Variants in NRG3 observed in about 807,000 individuals in gnomAD.
The protein encoded by NRG3 is neuregulin 3.
In NRG3, 31 loss-of-function variants were observed where a neutral mutation model predicts 66.9. The ratio of observed to expected loss-of-function variants is 0.46; its 90% CI spans 0.35 to 0.63. The LOEUF (loss-of-function observed/expected upper bound fraction) is 0.63. NRG3 is among the 20% of genes least tolerant of loss of function. NRG3 has a pLI of 0.00. For missense variants in NRG3, 910 were observed against 878.9 expected, an observed-to-expected ratio of 1.04 and a Z score of -0.45; for synonymous variants, 393 against 359.4, an observed-to-expected ratio of 1.09 and a Z score of -1.06.
intron 2 of NRG3, among the ~76,000 whole-genome samples, chr10:82,570,801 A>G (rs1335427790): frequency 6.6e-6 from 1 of 151,658 alleles, no homozygotes; most frequent in Non-Finnish European, 1.5e-5. Flanking sequence ...GAGGACTCAT[A>G]TGTAAAATTT....
At chr10:82,086,687 AATT>A (rs2065747457) in intron 1 of NRG3, among the ~76,000 whole-genome samples, 1 of 152,112 alleles carries the variant, frequency 6.6e-6, no homozygotes, top group African/African-American at 2.4e-5. Context: ...TGGTTCTGTG[AATT>A]ATGCATTGGA....
intron 3 of NRG3, among the ~76,000 whole-genome samples, chr10:82,785,409 C>G (rs1000951472): frequency 6.6e-6 from 1 of 151,398 alleles, no homozygotes; most frequent in African/African-American, 2.4e-5. Context: ...AAGAAAAAGA[C>G]AAGAACTGTA....
intron 1 of NRG3, among the ~76,000 whole-genome samples, chr10:82,310,979 G>T (rs1178336945): frequency 6.6e-6 from 1 of 152,120 alleles, no homozygotes; most frequent in Non-Finnish European, 1.5e-5. Flanking sequence ...GAGAGTGACA[G>T]TTCTTTCCAG....
At chr10:82,743,545 A>T (rs1402898815) in intron 3 of NRG3, among the ~76,000 whole-genome samples, 2 of 152,142 alleles carry the variant, frequency 1.3e-5, no homozygotes, top group Admixed American at 6.5e-5. Flanking sequence ...ATCAGGTAGG[A>T]AAATAAATTT....
chr10:82,302,312 A>C (rs2080450039), intron 1 of NRG3, among the ~76,000 whole-genome samples: 1 of 152,122 alleles, frequency 6.6e-6, no homozygotes, highest in Non-Finnish European at 1.5e-5. Flanking sequence ...TTTATATTAA[A>C]GTTAATTACA....
intron 2 of NRG3, among the ~76,000 whole-genome samples, chr10:82,703,165 A>G (rs1342840730): frequency 6.6e-6 from 1 of 151,960 alleles, no homozygotes; most frequent in Non-Finnish European, 1.5e-5. Flanking sequence ...GAACCTAGAA[A>G]TTTTCTAGTT....
chr10:82,443,704 C>T (rs1382370150), intron 2 of NRG3, among the ~76,000 whole-genome samples: 1 of 152,112 alleles, frequency 6.6e-6, no homozygotes, highest in Admixed American at 6.5e-5. Flanking sequence ...ATGCAAAATG[C>T]CAAGGGAGCA....
intron 4 of NRG3, among the ~76,000 whole-genome samples, chr10:82,931,484 GT>G (rs1168621612): frequency 6.6e-6 from 1 of 152,138 alleles, no homozygotes; most frequent in African/African-American, 2.4e-5. Context: ...GCACAAAGAA[GT>G]TAATTATATG....
At chr10:81,888,352 G>A (rs1471086165) in intron 1 of NRG3, among the ~76,000 whole-genome samples, 1 of 152,056 alleles carries the variant, frequency 6.6e-6, no homozygotes, top group African/African-American at 2.4e-5. Context: ...CTTAACACAT[G>A]TAAAACCCCA....
intron 2 of NRG3, among the ~76,000 whole-genome samples, chr10:82,653,714 G>A (rs930989314): frequency 2.0e-5 from 3 of 151,958 alleles, no homozygotes; most frequent in East Asian, 1.9e-4. Flanking sequence ...AAAGTAATAG[G>A]AACAGAGGGG....
intron 2 of NRG3, among the ~76,000 whole-genome samples, chr10:82,616,486 C>T (rs890992449): frequency 6.6e-6 from 1 of 152,154 alleles, no homozygotes; most frequent in South Asian, 2.1e-4. Flanking sequence ...TTAATCCCAG[C>T]CTTCCACATA....
chr10:82,793,850 G>A (rs1334857426), intron 3 of NRG3, among the ~76,000 whole-genome samples: 2 of 152,110 alleles, frequency 1.3e-5, no homozygotes, highest in Non-Finnish European at 2.9e-5. Context: ...CAAGTCATGA[G>A]GCCAAGCCTA....
At chr10:82,726,707 C>G (rs1166776154) in intron 2 of NRG3, among the ~76,000 whole-genome samples, 1 of 152,054 alleles carries the variant, frequency 6.6e-6, no homozygotes, top group African/African-American at 2.4e-5. Context: ...GAGCGGGACC[C>G]TGCTGAAAAG....
chr10:82,514,682 A>G (rs1376790617), intron 2 of NRG3, among the ~76,000 whole-genome samples: 1 of 152,070 alleles, frequency 6.6e-6, no homozygotes, highest in African/African-American at 2.4e-5. Context: ...TTGCTGAGGC[A>G]TACCTTGGCT....
intron 2 of NRG3, among the ~76,000 whole-genome samples, chr10:82,404,042 A>G (rs2087312380): frequency 6.6e-6 from 1 of 152,162 alleles, no homozygotes; most frequent in African/African-American, 2.4e-5. Context: ...GAATTATACT[A>G]ACTTCTAGGC....
intron 2 of NRG3, among the ~76,000 whole-genome samples, chr10:82,385,425 T>TA (rs1031693082): frequency 6.6e-6 from 1 of 152,108 alleles, no homozygotes; most frequent in Non-Finnish European, 1.5e-5. Context: ...AGGAAAGATA[T>TA]AAAAAATACT....
chr10:81,911,220 A>C (rs1330060004), intron 1 of NRG3, among the ~76,000 whole-genome samples: 1 of 152,184 alleles, frequency 6.6e-6, no homozygotes, highest in Non-Finnish European at 1.5e-5. Flanking sequence ...ATATTTGCAA[A>C]ATGTGCCAGT....
At chr10:82,585,510 A>G (rs1290417869) in intron 2 of NRG3, among the ~76,000 whole-genome samples, 1 of 152,144 alleles carries the variant, frequency 6.6e-6, no homozygotes, top group Non-Finnish European at 1.5e-5. Flanking sequence ...TTTACTGTAC[A>G]CTGTCCTAGT....
intron 1 of NRG3, among the ~76,000 whole-genome samples, chr10:82,098,320 C>A (rs1424567755): frequency 2.0e-5 from 3 of 149,236 alleles, no homozygotes; most frequent in Admixed American, 2.0e-4. Context: ...ATATAGATGT[C>A]ATCTATATAT....
Sources: gnomAD v4.1 joint callset for allele counts (sites outside exome capture counted in the v4.1 genomes callset) on GRCh38, gnomAD v4.1.1 for gene constraint, MANE v1.5 for transcripts, NCBI Gene and HGNC (gene_info 2026-07-23, HGNC 2026-07-21) for gene names.